The following SEPTIN9 variants were observed in gnomAD, a reference collection of about 807,000 sequenced individuals.
SEPTIN9 encodes septin-9.
SEPTIN9 carries 13 observed loss-of-function variants against 56.6 expected under a neutral mutation model. That is an observed-to-expected ratio of 0.23 (90% CI 0.15 to 0.37). SEPTIN9 has a LOEUF of 0.37. SEPTIN9 is among the 10% of genes least tolerant of loss of function. The pLI, the probability that SEPTIN9 is intolerant of heterozygous loss-of-function variation, is 1.00. For synonymous variants in SEPTIN9, 332 were observed against 334.1 expected, an observed-to-expected ratio of 0.99 and a Z score of 0.07; for missense variants, 650 against 823.1, an observed-to-expected ratio of 0.79 and a Z score of 2.57.
intron 1 of SEPTIN9, among the ~76,000 whole-genome samples, chr17:77,301,101 C>G (rs1471706359): frequency 6.6e-6 from 1 of 152,140 alleles, no homozygotes; most frequent in Non-Finnish European, 1.5e-5. Flanking sequence ...TCAAACCGCC[C>G]CCACCCCAGG....
chr17:77,308,350 C>T (rs2032351439), intron 2 of SEPTIN9, among the ~76,000 whole-genome samples: 1 of 152,254 alleles, frequency 6.6e-6, no homozygotes, highest in Admixed American at 6.5e-5. Context: ...GGTGAGACAG[C>T]CGTCCTGCCA....
intron 2 of SEPTIN9, among the ~76,000 whole-genome samples, chr17:77,363,261 G>A (rs1381110585): frequency 6.6e-6 from 1 of 152,074 alleles, no homozygotes; most frequent in African/African-American, 2.4e-5. Context: ...GAAGGAAACA[G>A]TGTTGCTTAT....
intron 3 of SEPTIN9, chr17:77,404,992 C>A: frequency 1.6e-6 from 2 of 1,240,796 alleles, no homozygotes; most frequent in Non-Finnish European, 2.2e-6. Context: ...TTTGACGTGC[C>A]GGATACACCC....
chr17:77,383,492 C>T (rs2143984195), intron 2 of SEPTIN9, among the ~76,000 whole-genome samples: 1 of 152,284 alleles, frequency 6.6e-6, no homozygotes. Context: ...CTGTGGAGAC[C>T]TGTTCCCTGG....
intron 2 of SEPTIN9, among the ~76,000 whole-genome samples, chr17:77,390,687 G>T (rs1006151900): frequency 6.6e-6 from 1 of 151,986 alleles, no homozygotes; most frequent in Non-Finnish European, 1.5e-5. Flanking sequence ...TCCTGACCTC[G>T]TGATCTGCCC....
At chr17:77,465,770 A>C (rs1249959936) in intron 3 of SEPTIN9, among the ~76,000 whole-genome samples, 17 of 152,106 alleles carry the variant, frequency 1.1e-4, no homozygotes, top group Non-Finnish European at 1.5e-5. Flanking sequence ...GTAGACTGGC[A>C]GGCCTGGGTG....
rs1367433833 is a variant in SEPTIN9 at position 77,325,365 on chromosome 17, ACTTCT to A, written c.76+18174_76+18178del. Among the ~76,000 whole-genome samples the A allele has an allele frequency of 5.3e-5, 8 of 152,128 alleles. No individual in the cohort carries two copies. In the East Asian group the frequency reaches 1.4e-3, roughly 26 times the overall value. ...GCCTCATGCTCTGGGCTCTTGATTC[ACTTCT>A]CTTCTTTTCTCACGCCCAGCTGGTT... On this transcript the variant is annotated intron_variant, in intron 2 of 11. Coordinates refer to ENST00000427177, the MANE Select transcript of SEPTIN9 (RefSeq NM_001113491.2).
Position 77,435,466 on chromosome 17 carries a change from G to A in SEPTIN9, c.721+32763G>A, listed in dbSNP as rs530697585. On this transcript the variant is annotated intron_variant, in intron 3 of 11. Transcript: ENST00000427177. The surrounding 1 kb of genome is among the most constrained non-coding windows in gnomAD (Gnocchi z 4.5). ...AACCTGCCAGCCTGTGCTCAGGCAGGGGGAGAAGTAGAGCAACCATGCCGG... is the reference window on the plus strand; with the variant it reads ...AACCTGCCAGCCTGTGCTCAGGCAGAGGGAGAAGTAGAGCAACCATGCCGG... Among the ~76,000 whole-genome samples the A allele has an allele frequency of 3.4e-4, 51 of 152,150 alleles. No homozygotes were observed. The highest frequency in any genetic ancestry group is 1.7e-3 in the Admixed American group (26 of 15,282).
intron 3 of SEPTIN9, among the ~76,000 whole-genome samples, chr17:77,412,129 C>CAAAAAA (rs756030644): frequency 1.5e-5 from 1 of 67,388 alleles, no homozygotes. Flanking sequence ...GACTCCCTAT[C>CAAAAAA]AAAAAAAAAA....
chr17:77,388,810 C>CTTTTTTTTTTTTTTTT (rs5822196), intron 2 of SEPTIN9, among the ~76,000 whole-genome samples: 39 of 78,054 alleles, frequency 5.0e-4, no homozygotes, highest in African/African-American at 9.6e-4. Flanking sequence ...GTGTTAGGCG[C>CTTTTTTTTTTTTTTTT]TTTTTTTTTT....
At chr17:77,408,454 G>A (rs921119338) in intron 3 of SEPTIN9, among the ~76,000 whole-genome samples, 1 of 151,604 alleles carries the variant, frequency 6.6e-6, no homozygotes, top group African/African-American at 2.4e-5. Context: ...AGGCCCCCCC[G>A]AGCTGATGAT....
At chr17:77,483,060 T>G (rs1003201736) in intron 4 of SEPTIN9, 1 of 159,556 alleles carries the variant, frequency 6.3e-6, no homozygotes, top group African/African-American at 2.4e-5. Flanking sequence ...AGAACTGTGT[T>G]CTGCCCACTC....
At chr17:77,362,588 C>T (rs986066120) in intron 2 of SEPTIN9, among the ~76,000 whole-genome samples, 3 of 152,236 alleles carry the variant, frequency 2.0e-5, no homozygotes, top group Non-Finnish European at 4.4e-5. Context: ...GACTGGCTCC[C>T]ACCTCCTCAA....
chr17:77,489,635 G>A (rs1158329641), intron 7 of SEPTIN9, among the ~76,000 whole-genome samples: 2 of 152,196 alleles, frequency 1.3e-5, no homozygotes, highest in African/African-American at 4.8e-5. Context: ...GTACTTCCCT[G>A]GGCGGAGGAA....
At chr17:77,413,476 G>A (rs1020102499) in intron 3 of SEPTIN9, among the ~76,000 whole-genome samples, 1 of 152,198 alleles carries the variant, frequency 6.6e-6, no homozygotes, top group East Asian at 1.9e-4. Context: ...TGTGCAGCGC[G>A]GTGATTGACA....
Position 77,475,585 on chromosome 17 carries a change from G to T in SEPTIN9, c.722-6559G>T. ...GCTGCCGCAGGGGTGCTGGCCCCAG[G>T]GTCTGGATTCAGGGGAGCCTGCAGA... On this transcript the variant is annotated intron_variant, in intron 3 of 11. Coordinates refer to ENST00000427177, the MANE Select transcript of SEPTIN9 (RefSeq NM_001113491.2). This position sits in a 1 kb window ranked among gnomAD's most constrained non-coding sequence, Gnocchi z 4.6. 5.6e-6 allele frequency: 9 copies of T among 1,613,510 alleles called. No individual in the cohort carries two copies. Among genetic ancestry groups the T allele is most frequent in the Non-Finnish European group, 7.6e-6 (9 of 1,179,816 alleles).
chr17:77,441,781 T>G (rs1456123781), intron 3 of SEPTIN9, among the ~76,000 whole-genome samples: 1 of 152,226 alleles, frequency 6.6e-6, no homozygotes, highest in Non-Finnish European at 1.5e-5. Context: ...CGTTTGCCAC[T>G]TCCGTTTCTT....
chr17:77,439,312 GCAGGAAC>G lies in SEPTIN9; in HGVS notation c.721+36614_721+36620del, dbSNP rs561751798. On this transcript the variant is annotated intron_variant, in intron 3 of 11. Transcript: ENST00000427177. ...GTGCTGGAGCCTCTGGCCACTTCCT[GCAGGAAC>G]CAGGTGACCCACCATGGCACAGGCC... is the stretch of plus-strand genomic sequence containing the variant. 2.3e-4 allele frequency among the ~76,000 whole-genome samples: 35 copies of G among 152,284 alleles called. 2 individuals carry two copies. The East Asian group carries it at 6.8e-3, about 30-fold the overall frequency.
intron 2 of SEPTIN9, among the ~76,000 whole-genome samples, chr17:77,359,242 A>G (rs779616353): frequency 5.9e-5 from 9 of 152,218 alleles, no homozygotes; most frequent in Non-Finnish European, 1.2e-4. Flanking sequence ...TTCAGTTACT[A>G]TAGAAAAAAG....
Sources: gnomAD v4.1 joint callset for allele counts (sites outside exome capture counted in the v4.1 genomes callset) on GRCh38, gnomAD v4.1.1 for gene constraint, Gnocchi (gnomAD v3.1) non-coding constraint, MANE v1.5 for transcripts, NCBI Gene and HGNC (gene_info 2026-07-23, HGNC 2026-07-21) for gene names.